Variants in DLG2 observed in about 807,000 individuals in gnomAD.
The protein encoded by DLG2 is discs large MAGUK scaffold protein 2.
Under a neutral mutation model 132.5 loss-of-function variants are expected in DLG2, and 45 were observed. That is an observed-to-expected ratio of 0.34 (90% confidence interval 0.27 to 0.44). The LOEUF (loss-of-function observed/expected upper bound fraction) is 0.44. Ranked by LOEUF, DLG2 falls within the 20% of genes least tolerant of loss-of-function variation. The pLI, the probability that DLG2 is intolerant of heterozygous loss-of-function variation, is 1.00. For missense variants in DLG2, 1,045 were observed against 1,196.9 expected, an observed-to-expected ratio of 0.87 and a Z score of 1.87; for synonymous variants, 424 against 419.6, an observed-to-expected ratio of 1.01 and a Z score of -0.13.
rs982406743 is a variant in DLG2 at position 83,650,793 on chromosome 11, T to C, written c.1826-17468A>G. Among the ~76,000 whole-genome samples, 48 of 152,304 alleles carry C rather than the reference T, an allele frequency of 3.2e-4. 1 individual carries two copies. The highest frequency in any genetic ancestry group is 1.1e-3 in the African/African-American group (46 of 41,570). The stretch of plus-strand genomic sequence containing the variant: ...TAAAATTTCTTTGCCTCAGATATCA[T>C]AGTGCCTCAGATCCCCTTTCAAGAC... On this transcript the variant is annotated intron_variant, in intron 18 of 27. Coordinates refer to ENST00000376104, the MANE Select transcript of DLG2 (RefSeq NM_001142699.3).
At chr11:84,638,258 G>C (rs2099644107) in intron 6 of DLG2, among the ~76,000 whole-genome samples, 1 of 152,122 alleles carries the variant, frequency 6.6e-6, no homozygotes, top group Non-Finnish European at 1.5e-5. Context: ...ATGTGTCCTT[G>C]GCACCAAATG....
At chr11:84,573,307 C>T (rs942323715) in intron 6 of DLG2, among the ~76,000 whole-genome samples, 1 of 151,932 alleles carries the variant, frequency 6.6e-6, no homozygotes, top group Non-Finnish European at 1.5e-5. Flanking sequence ...ATCAATTTTC[C>T]ATTTATAACA....
intron 19 of DLG2, among the ~76,000 whole-genome samples, chr11:83,628,612 G>T (rs1426840137): frequency 1.3e-5 from 2 of 152,130 alleles, no homozygotes; most frequent in African/African-American, 4.8e-5. Flanking sequence ...ATAGAATAAT[G>T]GTTGACCCAT....
At chr11:83,465,267 C>T (rs1010280879) in intron 26 of DLG2, among the ~76,000 whole-genome samples, 6 of 152,104 alleles carry the variant, frequency 3.9e-5, no homozygotes, top group African/African-American at 1.2e-4. Context: ...CTGGCTATTT[C>T]CCCAGAGCTC....
At chr11:83,508,245 C>CT (rs761737091) in intron 21 of DLG2, among the ~76,000 whole-genome samples, 4,065 of 140,394 alleles carry the variant, frequency 0.029, 126 homozygotes, top group African/African-American at 0.077. Context: ...GAATATACAT[C>CT]TTTTTTTTTT....
intron 6 of DLG2, among the ~76,000 whole-genome samples, chr11:84,600,225 A>AAAGG (rs2099573575): frequency 8.8e-6 from 1 of 113,342 alleles, no homozygotes; most frequent in African/African-American, 4.3e-5. Flanking sequence ...AGAAAGAAAG[A>AAAGG]GAAAGAAAGA....
At chr11:84,418,843 C>T (rs971527420) in intron 7 of DLG2, among the ~76,000 whole-genome samples, 1 of 152,180 alleles carries the variant, frequency 6.6e-6, no homozygotes, top group African/African-American at 2.4e-5. Flanking sequence ...CCTCTTCTGC[C>T]TATCAAAATC....
chr11:85,092,799 C>T (rs1278828180), intron 6 of DLG2, among the ~76,000 whole-genome samples: 2 of 151,958 alleles, frequency 1.3e-5, no homozygotes, highest in African/African-American at 2.4e-5. Flanking sequence ...TGCGCTGCCA[C>T]GACTGGCTAA....
chr11:84,230,736 A>C (rs1419223289), intron 8 of DLG2, among the ~76,000 whole-genome samples: 1 of 152,172 alleles, frequency 6.6e-6, no homozygotes, highest in African/African-American at 2.4e-5. Context: ...TAAAGAAAAA[A>C]AATTATGCAA....
chr11:83,475,619 G>C (rs919696846), intron 22 of DLG2, among the ~76,000 whole-genome samples: 1 of 151,836 alleles, frequency 6.6e-6, no homozygotes, highest in African/African-American at 2.4e-5. Flanking sequence ...AAATTGAAGA[G>C]AGAGATAGGG....
chr11:84,138,032 C>T (rs982259643), intron 9 of DLG2, among the ~76,000 whole-genome samples: 8 of 152,212 alleles, frequency 5.3e-5, no homozygotes, highest in Admixed American at 3.3e-4. Context: ...CCCTGATAAT[C>T]AGTAGAAATA....
intron 6 of DLG2, among the ~76,000 whole-genome samples, chr11:84,800,990 T>A (rs2075299607): frequency 6.6e-6 from 1 of 152,174 alleles, no homozygotes; most frequent in South Asian, 2.1e-4. Context: ...ATTCTGAGCA[T>A]CTCAGCTGAG....
At chr11:83,981,210 GAAGAT>G (rs1337114515) in intron 11 of DLG2, among the ~76,000 whole-genome samples, 1 of 152,138 alleles carries the variant, frequency 6.6e-6, no homozygotes, top group Non-Finnish European at 1.5e-5. Flanking sequence ...ATTTCAGAGA[GAAGAT>G]AAGGAAAAGA....
chr11:85,004,859 G>T (rs937760391), intron 6 of DLG2, among the ~76,000 whole-genome samples: 1 of 152,076 alleles, frequency 6.6e-6, no homozygotes, highest in Non-Finnish European at 1.5e-5. Flanking sequence ...ATGGTTTTAG[G>T]TCTTAGGTTT....
chr11:84,144,889 T>C (rs1239641119), intron 9 of DLG2, among the ~76,000 whole-genome samples: 1 of 152,198 alleles, frequency 6.6e-6, no homozygotes, highest in African/African-American at 2.4e-5. Context: ...ATTTGTTCAG[T>C]TGCAAATAGC....
At chr11:85,091,553 C>T (rs2068781181) in intron 6 of DLG2, among the ~76,000 whole-genome samples, 1 of 152,226 alleles carries the variant, frequency 6.6e-6, no homozygotes, top group African/African-American at 2.4e-5. Flanking sequence ...CATAGTAAAA[C>T]TTCTTTGGGA....
chr11:84,988,531 C>T (rs1824829491), intron 6 of DLG2, among the ~76,000 whole-genome samples: 1 of 152,206 alleles, frequency 6.6e-6, no homozygotes, highest in Non-Finnish European at 1.5e-5. Context: ...TGATGGAATG[C>T]TACTCAGCCA....
intron 7 of DLG2, among the ~76,000 whole-genome samples, chr11:84,390,918 G>A (rs908175492): frequency 1.3e-5 from 2 of 152,138 alleles, no homozygotes; most frequent in Non-Finnish European, 1.5e-5. Context: ...CCATCTGAAA[G>A]GTGATTTCTA....
intron 6 of DLG2, among the ~76,000 whole-genome samples, chr11:84,603,056 T>C (rs1057338604): frequency 6.6e-6 from 1 of 151,966 alleles, no homozygotes; most frequent in South Asian, 2.1e-4. Context: ...GAAAAATGAA[T>C]AGCTAGCATA....
Sources: gnomAD v4.1 joint callset for allele counts (sites outside exome capture counted in the v4.1 genomes callset) on GRCh38, gnomAD v4.1.1 for gene constraint, MANE v1.5 for transcripts, NCBI Gene and HGNC (gene_info 2026-07-23, HGNC 2026-07-21) for gene names.